The following RYR3 variants were observed in gnomAD, a reference collection of about 807,000 sequenced individuals.
RYR3 encodes ryanodine receptor 3.
In RYR3, 207 loss-of-function variants were observed where a neutral mutation model predicts 584.3. The ratio of observed to expected loss-of-function variants is 0.35; its 90% CI spans 0.32 to 0.40. The LOEUF is 0.40. Ranked by LOEUF, RYR3 falls within the 10% of genes least tolerant of loss-of-function variation. RYR3 has a pLI of 1.00. For synonymous variants in RYR3, 2,416 were observed against 2,248.5 expected (o/e 1.07, Z -2.11); for missense variants, 5,616 against 6,089.2 (o/e 0.92, Z 2.59).
At chr15:33,554,935 A>C in intron 10 of RYR3, among the ~76,000 whole-genome samples, 1 of 152,160 alleles carries the variant, frequency 6.6e-6, no homozygotes, top group East Asian at 1.9e-4. Flanking sequence ...CGCTTTTTGT[A>C]AAGCCACTTT....
chr15:33,834,885 G>A, intron 86 of RYR3, 83 bp from the exon 87 acceptor site: 1 of 919,388 alleles, frequency 1.1e-6, no homozygotes, highest in Non-Finnish European at 1.7e-6. Flanking sequence ...GCTCATATAA[G>A]TAGGTATCAG....
At chr15:33,815,888 G>A (rs74008333) in intron 74 of RYR3, 57 of 398,502 alleles carry the variant, frequency 1.4e-4, no homozygotes, top group African/African-American at 1.1e-3. Context: ...GGCTGGAAAA[G>A]GTTAATGAAA....
At chr15:33,789,071 T>C (rs915948312) in intron 67 of RYR3, among the ~76,000 whole-genome samples, 1 of 151,810 alleles carries the variant, frequency 6.6e-6, no homozygotes, top group Non-Finnish European at 1.5e-5. Flanking sequence ...GCGGGGGTGT[T>C]GCAGGAAGAG....
intron 3 of RYR3, among the ~76,000 whole-genome samples, chr15:33,519,962 A>G (rs1441248059): frequency 1.3e-5 from 2 of 152,216 alleles, no homozygotes; most frequent in Non-Finnish European, 2.9e-5. Flanking sequence ...AGAGAGAACA[A>G]GAAGAATCGA....
At chr15:33,724,512 T>C (rs2068197934) in intron 45 of RYR3, among the ~76,000 whole-genome samples, 1 of 152,164 alleles carries the variant, frequency 6.6e-6, no homozygotes, top group South Asian at 2.1e-4. Flanking sequence ...GCCATCAGGA[T>C]GCTCCATGTA....
intron 67 of RYR3, among the ~76,000 whole-genome samples, chr15:33,794,346 A>C (rs202220855): frequency 1.8e-5 from 1 of 56,584 alleles, no homozygotes; most frequent in Non-Finnish European, 3.9e-5. Context: ...TATATATATA[A>C]AAATATATAT....
In RYR3 at chr15:33,736,273, G is replaced by A. The variant is rs1323254560; in HGVS notation, c.7463G>A (p.Arg2488His). ...TCCATGTTACAGCAACTCCTGCGAC[G>A]CCTCGTTTTTGATGTGCCGCAACTC... ...RPSMLQQLLRRLVFDVPQLNE... is the reference protein window; with the variant it reads ...RPSMLQQLLRHLVFDVPQLNE... The change falls in exon 49 of 104, where the codon CGC (arginine) becomes CAC (histidine). Residue 2488 changes from arginine to histidine, a missense_variant. Physicochemically the swap from Arg to His is conservative, Grantham distance 29 (BLOSUM62 0). Transcript: ENST00000634891. The A allele has an allele frequency of 1.1e-5, 18 of 1,613,064 alleles. No homozygotes were observed. Among genetic ancestry groups the A allele is most frequent in the African/African-American group, 1.3e-5 (1 of 74,862 alleles).
intron 3 of RYR3, among the ~76,000 whole-genome samples, chr15:33,504,586 A>G (rs560184713): frequency 6.6e-6 from 1 of 152,310 alleles, no homozygotes; most frequent in East Asian, 1.9e-4. Context: ...AGTTCTTTCC[A>G]AAATGCAAAT....
intron 2 of RYR3, 130 bp from the exon 3 acceptor site, chr15:33,503,501 C>CT (rs1305045622): frequency 4.8e-6 from 3 of 620,646 alleles, no homozygotes; most frequent in African/African-American, 3.7e-5. Context: ...AGAAAGCCAC[C>CT]TTTTTGCATT....
chr15:33,612,980 C>T (rs750355491), intron 18 of RYR3, among the ~76,000 whole-genome samples: 2 of 152,190 alleles, frequency 1.3e-5, no homozygotes, highest in African/African-American at 2.4e-5. Flanking sequence ...TCTGCCCACT[C>T]GCCAGCTTAG....
At chr15:33,365,389 A>T (rs1424402360) in intron 1 of RYR3, among the ~76,000 whole-genome samples, 6 of 152,226 alleles carry the variant, frequency 3.9e-5, no homozygotes, top group African/African-American at 1.4e-4. Context: ...AAAGGTGCTC[A>T]GCACTGCGAG....
intron 1 of RYR3, among the ~76,000 whole-genome samples, chr15:33,424,087 T>A (rs906841761): frequency 6.6e-6 from 1 of 152,188 alleles, no homozygotes. Flanking sequence ...CATTTCCTGA[T>A]CTCCTCTTTT....
At chr15:33,413,102 GAT>G (rs1236140259) in intron 1 of RYR3, among the ~76,000 whole-genome samples, 1 of 152,198 alleles carries the variant, frequency 6.6e-6, no homozygotes, top group East Asian at 1.9e-4. Context: ...ATAAAAATGA[GAT>G]GTTCTTCCAA....
At chr15:33,807,167 G>A (rs951160912) in intron 69 of RYR3, among the ~76,000 whole-genome samples, 14 of 152,136 alleles carry the variant, frequency 9.2e-5, no homozygotes, top group Admixed American at 7.2e-4. Context: ...CTGCTCTTTG[G>A]TTATACAACA....
intron 20 of RYR3, among the ~76,000 whole-genome samples, chr15:33,626,715 C>T (rs1016089686): frequency 1.3e-5 from 2 of 152,174 alleles, no homozygotes; most frequent in African/African-American, 4.8e-5. Flanking sequence ...AGCCACTTCA[C>T]TCCAGCTATG....
chr15:33,320,017 G>A (rs1476049886), intron 1 of RYR3, among the ~76,000 whole-genome samples: 1 of 152,086 alleles, frequency 6.6e-6, no homozygotes, highest in South Asian at 2.1e-4. Context: ...GGCCTGATCT[G>A]TACGTTCAAA....
At position 33,757,463 on chromosome 15, in the gene RYR3, T is replaced by C. The variant is rs1250069965; in HGVS notation, c.8584-12T>C. On this transcript the variant is annotated splice_polypyrimidine_tract_variant and intron_variant, in intron 59 of 103. Transcript: ENST00000634891. ...TAGCTTCCTAGAAGTTGATTTCTGG[T>C]GCGTTTCCCAGGTTCTCCTCCCGCT... 6.3e-7 allele frequency: 1 copy of C among 1,599,566 alleles called. No homozygotes were observed. The highest frequency in any genetic ancestry group is 2.3e-5 in the East Asian group (1 of 44,392).
At chr15:33,540,915 C>T in intron 7 of RYR3, 25 bp downstream of exon 7, 1 of 1,436,568 alleles carries the variant, frequency 7.0e-7, no homozygotes, top group Non-Finnish European at 9.8e-7. Context: ...ATGCATTTAG[C>T]CCTGAGCCTG....
chr15:33,771,283 C>A (rs2073549350), intron 62 of RYR3, among the ~76,000 whole-genome samples: 1 of 152,230 alleles, frequency 6.6e-6, no homozygotes, highest in South Asian at 2.1e-4. Flanking sequence ...CGCCTGTAAT[C>A]CCAGCACTTT....
Sources: gnomAD v4.1 joint callset for allele counts (sites outside exome capture counted in the v4.1 genomes callset) on GRCh38, gnomAD v4.1.1 for gene constraint, MANE v1.5 for transcripts, NCBI Gene and HGNC (gene_info 2026-07-23, HGNC 2026-07-21) for gene names.